Variants in ELAVL2 observed in about 807,000 individuals in gnomAD.
The protein encoded by ELAVL2 is ELAV like RNA binding protein 2, also known as ELAV-like protein 2.
A neutral mutation model predicts 34.6 loss-of-function variants in ELAVL2; 4 were observed. That is an observed-to-expected ratio of 0.12 (90% CI 0.06 to 0.26). ELAVL2 has a LOEUF of 0.26. ELAVL2 is among the 10% of genes least tolerant of loss of function. The pLI is 1.00. For missense variants in ELAVL2, 432 were observed against 442.8 expected (o/e 0.98, Z 0.22); for synonymous variants, 193 against 154.8 (o/e 1.25, Z -1.83).
chr9:23,767,760 G>A (rs1031486245), intron 1 of ELAVL2, among the ~76,000 whole-genome samples: 1 of 152,156 alleles, frequency 6.6e-6, no homozygotes, highest in Non-Finnish European at 1.5e-5. Context: ...GTGACAGTGA[G>A]AGACTCTGTC....
At chr9:23,795,938 G>T (rs1043123423) in intron 1 of ELAVL2, among the ~76,000 whole-genome samples, 1 of 152,144 alleles carries the variant, frequency 6.6e-6, no homozygotes, top group Admixed American at 6.5e-5. Flanking sequence ...CAAACCGGGG[G>T]AAAAATGCAT....
intron 1 of ELAVL2, among the ~76,000 whole-genome samples, chr9:23,812,279 GA>G (rs1204950505): frequency 6.6e-6 from 1 of 152,074 alleles, no homozygotes; most frequent in East Asian, 1.9e-4. Flanking sequence ...CCTGGCTTCT[GA>G]ACATAATCTC....
At chr9:23,795,957 G>C (rs1177167017) in intron 1 of ELAVL2, among the ~76,000 whole-genome samples, 1 of 152,144 alleles carries the variant, frequency 6.6e-6, no homozygotes, top group Admixed American at 6.6e-5. Context: ...ATAAGTGGAT[G>C]TTTAAATTAC....
At chr9:23,792,085 C>G (rs1189523581) in intron 1 of ELAVL2, among the ~76,000 whole-genome samples, 1 of 151,668 alleles carries the variant, frequency 6.6e-6, no homozygotes, top group African/African-American at 2.4e-5. Flanking sequence ...AGTAACTACA[C>G]CATCATTCTA....
chr9:23,819,179 T>C (rs942992500), intron 1 of ELAVL2, among the ~76,000 whole-genome samples: 3 of 152,142 alleles, frequency 2.0e-5, no homozygotes, highest in African/African-American at 7.2e-5. Flanking sequence ...TGTCTGTGTA[T>C]AAATAATCAA....
At chr9:23,744,044 C>A (rs2049919712) in intron 2 of ELAVL2, among the ~76,000 whole-genome samples, 1 of 152,180 alleles carries the variant, frequency 6.6e-6, no homozygotes, top group Non-Finnish European at 1.5e-5. Flanking sequence ...AAGAATCCAT[C>A]TTATTACCAC....
At chr9:23,757,845 C>G (rs912483515) in intron 2 of ELAVL2, among the ~76,000 whole-genome samples, 5 of 152,068 alleles carry the variant, frequency 3.3e-5, no homozygotes, top group African/African-American at 1.2e-4. Context: ...CTCACTCGAT[C>G]AAAATAGTGA....
Position 23,741,347 on chromosome 9 carries a change from C to T in ELAVL2, c.230-10222G>A, listed in dbSNP as rs182830566. ...TACAGCAGACAAACTGCAGGATGCA[C>T]CAAGCACTGAGGCACAATGAGGAAG... On this transcript the variant is annotated intron_variant, in intron 2 of 6. Coordinates refer to ENST00000397312, the MANE Select transcript of ELAVL2 (RefSeq NM_004432.5). Among the ~76,000 whole-genome samples, 9 of 152,200 alleles carry T rather than the reference C, an allele frequency of 5.9e-5. No individual in the cohort carries two copies. The East Asian group carries it at 1.6e-3, about 26-fold the overall frequency.
chr9:23,762,193 T>C lies in ELAVL2; in HGVS notation c.42A>G (p.Thr14=), dbSNP rs762290569. The stretch of plus-strand genomic sequence containing the variant: ...TGTTTATGGTGGTTGGACCATTGGC[T>C]GTGTTATTGCAAGTTGGCCCATTAG... The part of the protein sequence containing the change: ...QLSNGPTCNN[T]ANGPTTINNN... The change falls in exon 2 of 7, where the codon ACA becomes ACG. Residue 14 remains threonine (T), a synonymous_variant. Transcript: ENST00000397312. 2 of 1,613,518 alleles carry C rather than the reference T, an allele frequency of 1.2e-6. No individual in the cohort carries two copies. The highest frequency in any genetic ancestry group is 1.3e-5 in the African/African-American group (1 of 74,890).
intron 1 of ELAVL2, among the ~76,000 whole-genome samples, chr9:23,822,688 AT>A (rs373417051): frequency 5.3e-5 from 8 of 152,268 alleles, no homozygotes; most frequent in African/African-American, 1.7e-4. Context: ...TGTAGTTGGG[AT>A]TTTTTTCATT....
intron 2 of ELAVL2, among the ~76,000 whole-genome samples, chr9:23,754,718 C>T (rs939530931): frequency 1.3e-5 from 2 of 152,144 alleles, no homozygotes; most frequent in Non-Finnish European, 2.9e-5. Context: ...CTGCATTGGC[C>T]TTCCAAAGTG....
At chr9:23,841,117 G>A in the ELAVL2 span, among the ~76,000 whole-genome samples, 66 of 152,216 alleles carry the variant, frequency 4.3e-4, no homozygotes, top group African/African-American at 1.5e-3. Flanking sequence ...ACCTTGAAAG[G>A]GAAAGAGATA....
intron 3 of ELAVL2, among the ~76,000 whole-genome samples, chr9:23,718,658 C>CAT (rs1428185538): frequency 7.2e-5 from 11 of 152,294 alleles, no homozygotes; most frequent in Non-Finnish European, 1.6e-4. Context: ...TTTACCTACA[C>CAT]ATATTTTGTG....
intron 3 of ELAVL2, among the ~76,000 whole-genome samples, chr9:23,708,193 A>G (rs2133504671): frequency 6.6e-6 from 1 of 152,292 alleles, no homozygotes; most frequent in Middle Eastern, 3.4e-3. Flanking sequence ...CACAGGCAGG[A>G]CAGGAGTGAT....
At chr9:23,781,224 T>G (rs1273734229) in intron 1 of ELAVL2, among the ~76,000 whole-genome samples, 1 of 152,248 alleles carries the variant, frequency 6.6e-6, no homozygotes, top group African/African-American at 2.4e-5. Flanking sequence ...CTCAAGGCAC[T>G]AACCTTCTTG....
chr9:23,729,883 A>G (rs2046134454), intron 3 of ELAVL2, among the ~76,000 whole-genome samples: 1 of 152,098 alleles, frequency 6.6e-6, no homozygotes, highest in South Asian at 2.1e-4. Context: ...GATACCTGAA[A>G]AAAATGAGCA....
At chr9:23,694,409 A>G (rs1025645172) in intron 5 of ELAVL2, among the ~76,000 whole-genome samples, 1 of 152,158 alleles carries the variant, frequency 6.6e-6, no homozygotes, top group African/African-American at 2.4e-5. Flanking sequence ...TAATGTCCCA[A>G]ATTTCCACAG....
intron 1 of ELAVL2, among the ~76,000 whole-genome samples, chr9:23,816,393 T>C (rs971366397): frequency 6.7e-6 from 1 of 150,214 alleles, no homozygotes; most frequent in African/African-American, 2.4e-5. Flanking sequence ...CTTTGATATT[T>C]ATAAAAGATT....
At chr9:23,764,873 G>A in intron 1 of ELAVL2, 6 of 829,706 alleles carry the variant, frequency 7.2e-6, no homozygotes, top group Non-Finnish European at 1.1e-5. Context: ...TCCTAATGAT[G>A]GCCATACCAC....
Sources: gnomAD v4.1 joint callset for allele counts (sites outside exome capture counted in the v4.1 genomes callset) on GRCh38, gnomAD v4.1.1 for gene constraint, MANE v1.5 for transcripts, NCBI Gene and HGNC (gene_info 2026-07-23, HGNC 2026-07-21) for gene names.